The following PKD1L1 variants were observed in gnomAD, a reference collection of about 807,000 sequenced individuals.
PKD1L1 encodes the protein polycystin-1-like protein 1.
In PKD1L1, 236 loss-of-function variants were observed where a neutral mutation model predicts 323.4. That is an observed-to-expected ratio of 0.73 (90% CI 0.66 to 0.81). The LOEUF is 0.81. PKD1L1 is among the 40% of genes least tolerant of loss of function. PKD1L1 has a pLI of 0.00. For synonymous variants in PKD1L1, 1,344 were observed against 1,335.0 expected, an observed-to-expected ratio of 1.01 and a Z score of -0.15; for missense variants, 3,320 against 3,508.0, an observed-to-expected ratio of 0.95 and a Z score of 1.35.
intron 7 of PKD1L1, among the ~76,000 whole-genome samples, chr7:47,922,318 T>G (rs1286576670): frequency 6.6e-6 from 1 of 152,338 alleles, no homozygotes; most frequent in South Asian, 2.1e-4. Context: ...GATTGCAGCC[T>G]CTGCCCTGCC....
intron 28 of PKD1L1, among the ~76,000 whole-genome samples, chr7:47,856,245 G>A (rs956454342): frequency 1.1e-4 from 16 of 152,098 alleles, no homozygotes; most frequent in African/African-American, 3.6e-4. Flanking sequence ...CACCATGTTG[G>A]TCAGGTTGGT....
chr7:47,898,147 T>A lies in PKD1L1; in HGVS notation c.2112A>T (p.Ala704=). 1 of 1,614,180 alleles carries A rather than the reference T, an allele frequency of 6.2e-7. No homozygotes were observed. The highest frequency in any genetic ancestry group is 8.5e-7 in the Non-Finnish European group (1 of 1,180,022). Residue 704 remains alanine, a synonymous_variant, in exon 14 of 57, where the codon GCA becomes GCT. Transcript: ENST00000289672. The part of the protein sequence containing the change: ...PVRLGVTFEA[A]VFCDISQGLS... ...GACCTTGGGAAATATCACAGAAGACTGCAGCTTCAAACGTCACTCCCAGCC... is the reference window on the plus strand; with the variant it reads ...GACCTTGGGAAATATCACAGAAGACAGCAGCTTCAAACGTCACTCCCAGCC...
chr7:47,778,220 G>A lies in PKD1L1; in HGVS notation c.8527-3054C>T, dbSNP rs142987326. Among the ~76,000 whole-genome samples the A allele has an allele frequency of 1.7e-3, 253 of 152,282 alleles. 4 individuals are homozygous for A. Among genetic ancestry groups the A allele is most frequent in the African/African-American group, 6.0e-3 (248 of 41,556 alleles). ...GGTGGGGGCTGATGGGGCTTAGGCTGGGGAAGGAAGACCACCAGGGCTGCC... is the reference window on the plus strand; with the variant it reads ...GGTGGGGGCTGATGGGGCTTAGGCTAGGGAAGGAAGACCACCAGGGCTGCC... On this transcript the variant is annotated intron_variant, in intron 56 of 56. Transcript: ENST00000289672.
chr7:47,916,499 G>C (rs1175979834), intron 7 of PKD1L1, among the ~76,000 whole-genome samples: 1 of 152,274 alleles, frequency 6.6e-6, no homozygotes, highest in Middle Eastern at 3.4e-3. Context: ...GTCAATTTTT[G>C]CTCCAGAACA....
intron 8 of PKD1L1, among the ~76,000 whole-genome samples, chr7:47,912,250 G>C (rs1262733276): frequency 6.6e-6 from 1 of 151,932 alleles, no homozygotes; most frequent in African/African-American, 2.4e-5. Context: ...CACAAAAGAA[G>C]GGATGCAGAG....
At chr7:47,780,927 G>T (rs1786677431) in intron 56 of PKD1L1, among the ~76,000 whole-genome samples, 1 of 152,204 alleles carries the variant, frequency 6.6e-6, no homozygotes, top group Non-Finnish European at 1.5e-5. Flanking sequence ...CTATGATCCA[G>T]ATAATTTCTG....
intron 9 of PKD1L1, among the ~76,000 whole-genome samples, chr7:47,906,935 T>A (rs1378601183): frequency 6.6e-6 from 1 of 152,196 alleles, no homozygotes; most frequent in Non-Finnish European, 1.5e-5. Context: ...TGCACAAGAA[T>A]ACCCTATTAT....
rs555293628 is a variant in PKD1L1, at chr7:47,877,360, A to T, written c.3663+129T>A. On this transcript the variant is annotated intron_variant, in intron 22 of 56. Coordinates refer to ENST00000289672, the MANE Select transcript of PKD1L1 (RefSeq NM_138295.5). Reference sequence around the variant, plus strand: ...TGCCTAACCAACTTTCCAACATTCAACGGCAGGCTGAAATCCTTCACAGGT... The same window carrying T: ...TGCCTAACCAACTTTCCAACATTCATCGGCAGGCTGAAATCCTTCACAGGT... The T allele has an allele frequency of 5.8e-5, 78 of 1,341,846 alleles. No homozygotes were observed. The African/African-American group carries it at 9.5e-4, about 16-fold the overall frequency. The allele number at this position is 1,341,846 out of a possible 1,614,324, so 83.1% of individuals were successfully genotyped here.
At chr7:47,866,142 A>G (rs1222884762) in intron 25 of PKD1L1, among the ~76,000 whole-genome samples, 1 of 152,372 alleles carries the variant, frequency 6.6e-6, no homozygotes, top group African/African-American at 2.4e-5. Context: ...ACTGTTTCAC[A>G]TAAGTTTTAC....
chr7:47,832,795 G>C (rs1785374875), intron 41 of PKD1L1, among the ~76,000 whole-genome samples: 1 of 152,236 alleles, frequency 6.6e-6, no homozygotes, highest in South Asian at 2.1e-4. Flanking sequence ...ACTGTCATTA[G>C]CATTAAAACA....
intron 7 of PKD1L1, among the ~76,000 whole-genome samples, chr7:47,917,109 A>C (rs1432280645): frequency 6.6e-6 from 1 of 152,196 alleles, no homozygotes; most frequent in Non-Finnish European, 1.5e-5. Flanking sequence ...ATACTCAAGG[A>C]AACAGATAGC....
chr7:47,932,140 GC>G (rs1787784228), intron 4 of PKD1L1, 84 bp from the exon 5 acceptor site: 23 of 1,510,920 alleles, frequency 1.5e-5, no homozygotes, highest in Non-Finnish European at 2.0e-5. Flanking sequence ...TACAAATCAT[GC>G]CCTTCACCAG....
rs1380647150 is a variant in PKD1L1, at chr7:47,880,280, A to AT, written c.3520+447dup. Among the ~76,000 whole-genome samples, 384 of 71,510 alleles carry AT rather than the reference A, an allele frequency of 5.4e-3. 4 individuals carry two copies. Among genetic ancestry groups the AT allele is most frequent in the Non-Finnish European group, 7.5e-3 (300 of 39,990 alleles). The allele number at this position is 71,510 out of a possible 152,430, so 46.9% of individuals were successfully genotyped here. On this transcript the variant is annotated intron_variant, in intron 21 of 56. Coordinates refer to ENST00000289672, the MANE Select transcript of PKD1L1 (RefSeq NM_138295.5). ...TATATATATACATATATATATATAT[A>AT]TATATTTTTTTTTTTTTTTTTGAGA...
chr7:47,945,879 T>C (rs1205656993), intron 1 of PKD1L1, among the ~76,000 whole-genome samples: 1 of 152,126 alleles, frequency 6.6e-6, no homozygotes, highest in Non-Finnish European at 1.5e-5. Flanking sequence ...TCCTGGGACA[T>C]AGTTGGCCCT....
chr7:47,791,461 CAT>C (rs1562931221), intron 56 of PKD1L1, among the ~76,000 whole-genome samples: 2 of 50,432 alleles, frequency 4.0e-5, no homozygotes, highest in Non-Finnish European at 1.0e-4. Context: ...TTCAAAGAGA[CAT>C]TTTTTTTTTT....
chr7:47,893,971 C>T lies in PKD1L1; in HGVS notation c.2360G>A (p.Gly787Asp), dbSNP rs1193059907. The change falls in exon 15 of 57, where the codon GGC becomes GAC. Residue 787 changes from glycine (G) to aspartate (D), a missense_variant. Physicochemically the swap from Gly to Asp is moderately conservative, Grantham distance 94. Coordinates refer to ENST00000289672, the MANE Select transcript of PKD1L1 (RefSeq NM_138295.5). ...GGTCCTGGAGAAGAATAGGTGTGTG[C>T]CCTCGGAGATCACACTGACAGGGGC... is the stretch of plus-strand genomic sequence containing the variant. The part of the protein sequence containing the change: ...AQAPVSVISE[G>D]THLFFSRTTS... The T allele has an allele frequency of 6.2e-7, 1 of 1,613,644 alleles. No individual in the cohort carries two copies. The highest frequency in any genetic ancestry group is 8.5e-7 in the Non-Finnish European group (1 of 1,179,842).
At chr7:47,818,437 T>C (rs556733595) in intron 46 of PKD1L1, among the ~76,000 whole-genome samples, 17 of 152,378 alleles carry the variant, frequency 1.1e-4, no homozygotes, top group African/African-American at 3.8e-4. Context: ...GAATAAAGTA[T>C]AGACATTATA....
chr7:47,902,054 G>GA (rs869208068), intron 13 of PKD1L1, among the ~76,000 whole-genome samples: 2 of 119,726 alleles, frequency 1.7e-5, no homozygotes, highest in African/African-American at 5.9e-5. Flanking sequence ...GAAAAGAAAA[G>GA]AAAAAAAAGA....
intron 31 of PKD1L1, among the ~76,000 whole-genome samples, chr7:47,852,565 C>T (rs1343432268): frequency 2.0e-5 from 3 of 152,200 alleles, no homozygotes; most frequent in Non-Finnish European, 4.4e-5. Flanking sequence ...GGTGCCACTT[C>T]AGCCCACTGA....
Sources: gnomAD v4.1 joint callset for allele counts (sites outside exome capture counted in the v4.1 genomes callset) on GRCh38, gnomAD v4.1.1 for gene constraint, MANE v1.5 for transcripts, NCBI Gene and HGNC (gene_info 2026-07-23, HGNC 2026-07-21) for gene names.